The following DLG1 variants were observed in gnomAD, a reference collection of about 807,000 sequenced individuals.
DLG1 encodes discs large MAGUK scaffold protein 1, also known as disks large homolog 1.
DLG1 carries 42 observed loss-of-function variants against 123.4 expected under a neutral mutation model. The observed-to-expected ratio is 0.34, with a 90% CI of 0.27 to 0.44. DLG1 has a LOEUF of 0.44. Among genes scored for constraint, DLG1 ranks in the 20% least tolerant of loss-of-function variants. The probability of loss-of-function intolerance (pLI) is 1.00; values close to 1 mark genes in which losing one functional copy is unlikely to be tolerated. For synonymous variants in DLG1, 317 were observed against 356.2 expected, an observed-to-expected ratio of 0.89 and a Z score of 1.24; for missense variants, 942 against 1,082.6, an observed-to-expected ratio of 0.87 and a Z score of 1.82.
At chr3:197,234,734 G>A (rs1745062853) in intron 4 of DLG1, among the ~76,000 whole-genome samples, 1 of 152,072 alleles carries the variant, frequency 6.6e-6, no homozygotes. Context: ...ACAGAAAAAT[G>A]ACTAGAACAC....
At chr3:197,286,583 C>T (rs934465188) in intron 3 of DLG1, among the ~76,000 whole-genome samples, 6 of 152,100 alleles carry the variant, frequency 3.9e-5, no homozygotes, top group African/African-American at 1.4e-4. Context: ...CCCTGCTGTA[C>T]AATACGGCAA....
intron 3 of DLG1, among the ~76,000 whole-genome samples, chr3:197,287,877 TCC>T (rs1357182531): frequency 4.6e-5 from 7 of 152,120 alleles, no homozygotes; most frequent in Non-Finnish European, 1.5e-5. Context: ...AATACAACAT[TCC>T]TAAGAGTATT....
At chr3:197,259,170 G>A (rs1373230829) in intron 4 of DLG1, among the ~76,000 whole-genome samples, 1 of 152,086 alleles carries the variant, frequency 6.6e-6, no homozygotes, top group Non-Finnish European at 1.5e-5. Context: ...AAAATTTAGA[G>A]AGGGAAAAAG....
At chr3:197,057,763 T>G (rs1015511843) in intron 23 of DLG1, among the ~76,000 whole-genome samples, 9 of 152,198 alleles carry the variant, frequency 5.9e-5, no homozygotes, top group Non-Finnish European at 2.9e-5. Context: ...ATCTCTTTGG[T>G]GTCTGCTGCA....
Position 197,043,585 on chromosome 3 carries a change from ATGTTTG to A in DLG1, c.*1032_*1037del, listed in dbSNP as rs1376505647. The A allele has an allele frequency of 4.0e-5, 6 of 151,602 alleles. No individual in the cohort carries two copies. Among genetic ancestry groups the A allele is most frequent in the Non-Finnish European group, 8.8e-5 (6 of 67,898 alleles). The allele number at this position is 151,602 out of a possible 1,614,324, so 9.4% of individuals were successfully genotyped here. A position where few individuals can be genotyped will look rare whatever the true frequency, so the allele number is the denominator to read the frequency against. On this transcript the variant is annotated 3_prime_UTR_variant, in exon 25 of 25. Coordinates refer to ENST00000667157, the MANE Select transcript of DLG1 (RefSeq NM_001366207.1). ...CAAAATATATTTTAAATATATATAT[ATGTTTG>A]TGTGTGTGCGCAACTATGTAAAGAA...
rs540167524 is a variant in DLG1 at position 197,085,999 on chromosome 3, G to A, written c.1662-243C>T. ...ATATCACAAGACAAATTTTAAAAAC[G>A]CTCTTGGATTGTAATCCAATGGTAA... On this transcript the variant is annotated intron_variant, in intron 15 of 24. Transcript: ENST00000667157. Among the ~76,000 whole-genome samples, 4 of 151,586 alleles carry A rather than the reference G, an allele frequency of 2.6e-5. No homozygotes were observed. In the East Asian group the frequency reaches 5.8e-4, roughly 22 times the overall value.
In DLG1 at chr3:197,090,927, C is replaced by A. The variant is rs746948471; in HGVS notation, c.1646G>T (p.Arg549Leu). Reference protein sequence around the residue: ...GSGSLRTSQKRSLYVRALFDY... With the variant: ...GSGSLRTSQKLSLYVRALFDY... ...AAAAATTTACCTGACATAGAGGGAT[C>A]GCTTCTGGCTAGTTCGAAGAGAACC... The change falls in exon 15 of 25, where the codon CGA becomes CTA. Residue 549 changes from arginine to leucine, a missense_variant. Arg to Leu is a moderately radical substitution (Grantham distance 102). Coordinates refer to ENST00000667157, the MANE Select transcript of DLG1 (RefSeq NM_001366207.1). 1.9e-5 allele frequency: 30 copies of A among 1,600,662 alleles called. No homozygotes were observed. The highest frequency in any genetic ancestry group is 2.5e-5 in the Non-Finnish European group (29 of 1,171,060).
intron 4 of DLG1, among the ~76,000 whole-genome samples, chr3:197,282,094 C>T (rs1769650278): frequency 6.6e-6 from 1 of 152,198 alleles, no homozygotes; most frequent in African/African-American, 2.4e-5. Context: ...CATACCTCTG[C>T]TATACCATAT....
At chr3:197,108,495 C>A (rs1025266294) in intron 13 of DLG1, among the ~76,000 whole-genome samples, 5 of 152,122 alleles carry the variant, frequency 3.3e-5, no homozygotes, top group African/African-American at 1.2e-4. Context: ...TTAAAATTCT[C>A]TATTTCTTCT....
At chr3:197,192,858 C>T (rs1411441706) in intron 5 of DLG1, among the ~76,000 whole-genome samples, 1 of 151,594 alleles carries the variant, frequency 6.6e-6, no homozygotes, top group Non-Finnish European at 1.5e-5. Context: ...TGACGGAAAA[C>T]AAAGAGTCTG....
At chr3:197,222,412 T>C (rs1288394344) in intron 4 of DLG1, among the ~76,000 whole-genome samples, 1 of 152,108 alleles carries the variant, frequency 6.6e-6, no homozygotes, top group Non-Finnish European at 1.5e-5. Flanking sequence ...AAAATAGGGG[T>C]CCATTTGTTT....
At chr3:197,259,874 G>A (rs1324652468) in intron 4 of DLG1, among the ~76,000 whole-genome samples, 1 of 152,132 alleles carries the variant, frequency 6.6e-6, no homozygotes, top group African/African-American at 2.4e-5. Flanking sequence ...AATTATAATA[G>A]ATGGAAGAGT....
chr3:197,049,482 C>T lies in DLG1; in HGVS notation c.2575+2095G>A, dbSNP rs559661255. On this transcript the variant is annotated intron_variant, in intron 24 of 24. Transcript: ENST00000667157. ...TGTCAAAAGATGAATGAGCCGGGCC[C>T]GATGGCTCACGCCTGTAGTCCCGGC... is the stretch of plus-strand genomic sequence containing the variant. Among the ~76,000 whole-genome samples the T allele has an allele frequency of 5.9e-5, 9 of 152,290 alleles. No homozygotes were observed. The South Asian group carries it at 1.5e-3, about 25-fold the overall frequency.
At chr3:197,197,760 T>G (rs1274060917) in intron 4 of DLG1, among the ~76,000 whole-genome samples, 1 of 152,186 alleles carries the variant, frequency 6.6e-6, no homozygotes, top group Non-Finnish European at 1.5e-5. Context: ...ACTACAAAGC[T>G]ACATTAATCA....
intron 13 of DLG1, 44 bp downstream of exon 13, chr3:197,115,883 C>A: frequency 6.3e-7 from 1 of 1,587,952 alleles, no homozygotes; most frequent in South Asian, 1.2e-5. Flanking sequence ...AAAAATAGGT[C>A]CAGTGAAAAT....
At chr3:197,096,472 T>C (rs915686657) in intron 14 of DLG1, among the ~76,000 whole-genome samples, 2 of 152,136 alleles carry the variant, frequency 1.3e-5, no homozygotes, top group African/African-American at 4.8e-5. Flanking sequence ...CATGGGTAAG[T>C]CCAATGGGCC....
At chr3:197,289,066 G>A (rs1579442184) in intron 3 of DLG1, among the ~76,000 whole-genome samples, 1 of 152,126 alleles carries the variant, frequency 6.6e-6, no homozygotes, top group South Asian at 2.1e-4. Context: ...ATAATTACGT[G>A]TTTTTAGTAC....
At chr3:197,262,769 G>A (rs1190086067) in intron 4 of DLG1, among the ~76,000 whole-genome samples, 1 of 152,186 alleles carries the variant, frequency 6.6e-6, no homozygotes. Flanking sequence ...CACTGGAAAA[G>A]CTTCACCAAA....
intron 14 of DLG1, among the ~76,000 whole-genome samples, chr3:197,097,492 A>G (rs1444533743): frequency 6.6e-6 from 1 of 150,866 alleles, no homozygotes; most frequent in Non-Finnish European, 1.5e-5. Context: ...TTTTTAACAA[A>G]TTTTGGTTTG....
Sources: allele counts gnomAD v4.1 joint callset (sites outside exome capture counted in the v4.1 genomes callset), GRCh38; gene constraint gnomAD v4.1.1; transcripts MANE v1.5; gene names NCBI Gene and HGNC (gene_info 2026-07-23, HGNC 2026-07-21).